Variants in KAZN observed in about 807,000 individuals in gnomAD.
The protein encoded by KAZN is kazrin.
In KAZN, 40 loss-of-function variants were observed where a neutral mutation model predicts 87.4. That is an observed-to-expected ratio of 0.46 (90% CI 0.36 to 0.60). The LOEUF is 0.60. KAZN is among the 20% of genes least tolerant of loss of function. KAZN has a pLI of 0.00. For missense variants in KAZN, 898 were observed against 1,073.9 expected (o/e 0.84, Z 2.29); for synonymous variants, 466 against 458.3 (o/e 1.02, Z -0.22).
At chr1:14,085,590 C>T (rs551335892) in intron 1 of KAZN, among the ~76,000 whole-genome samples, 5 of 152,176 alleles carry the variant, frequency 3.3e-5, no homozygotes, top group Non-Finnish European at 7.3e-5. Flanking sequence ...ATGTTGTTGC[C>T]TGTATCAGGA....
intron 1 of KAZN, among the ~76,000 whole-genome samples, chr1:14,880,314 T>A (rs1205464058): frequency 6.6e-6 from 1 of 152,148 alleles, no homozygotes; most frequent in Non-Finnish European, 1.5e-5. Context: ...AAAGCTGCAG[T>A]CTGCAGGACC....
intron 1 of KAZN, among the ~76,000 whole-genome samples, chr1:14,812,214 A>G (rs1014185801): frequency 6.6e-6 from 1 of 152,136 alleles, no homozygotes; most frequent in African/African-American, 2.4e-5. Context: ...GACTACCTTG[A>G]GCAAATTTGA....
At chr1:14,454,428 G>A (rs1006764825) in intron 2 of KAZN, among the ~76,000 whole-genome samples, 1 of 152,062 alleles carries the variant, frequency 6.6e-6, no homozygotes, top group Non-Finnish European at 1.5e-5. Context: ...TCCTCAATTA[G>A]AGTCCAATAA....
intron 1 of KAZN, among the ~76,000 whole-genome samples, chr1:14,032,979 G>A (rs1038262583): frequency 6.6e-6 from 1 of 152,082 alleles, no homozygotes; most frequent in Non-Finnish European, 1.5e-5. Context: ...TCTGCACCCT[G>A]GTCTTACTGA....
At chr1:15,051,720 A>G (rs1371204286) in intron 4 of KAZN, among the ~76,000 whole-genome samples, 1 of 152,198 alleles carries the variant, frequency 6.6e-6, no homozygotes, top group Non-Finnish European at 1.5e-5. Context: ...AAATCCAGAC[A>G]GAGCCCAAGC....
intron 2 of KAZN, among the ~76,000 whole-genome samples, chr1:14,247,132 T>TA (rs1184198655): frequency 6.6e-6 from 1 of 152,068 alleles, no homozygotes; most frequent in Non-Finnish European, 1.5e-5. Flanking sequence ...TTTCTTATTA[T>TA]AAAAAAAGGC....
chr1:14,052,911 C>A (rs1011884106), intron 1 of KAZN, among the ~76,000 whole-genome samples: 3 of 152,142 alleles, frequency 2.0e-5, no homozygotes, highest in African/African-American at 4.8e-5. Flanking sequence ...CCATGGAATG[C>A]CCATGGGGTT....
chr1:15,042,918 G>A (rs1297182216), intron 3 of KAZN, among the ~76,000 whole-genome samples: 1 of 152,208 alleles, frequency 6.6e-6, no homozygotes, highest in Non-Finnish European at 1.5e-5. Flanking sequence ...GCTCCCCGCT[G>A]GGACTGTCCT....
At chr1:14,706,493 C>CA (rs569251740) in intron 1 of KAZN, among the ~76,000 whole-genome samples, 1,540 of 141,666 alleles carry the variant, frequency 0.011, 8 homozygotes, top group Middle Eastern at 0.022. Flanking sequence ...GTTCCCAACA[C>CA]AAAAAAAAAA....
intron 1 of KAZN, among the ~76,000 whole-genome samples, chr1:14,025,481 A>G (rs181777940): frequency 1.2e-4 from 18 of 152,262 alleles, no homozygotes; most frequent in East Asian, 1.9e-4. Context: ...CTTTGTTCTG[A>G]CCTAGTTTTC....
Position 14,343,866 on chromosome 1 carries a change from A to G in KAZN, c.249+163274A>G, listed in dbSNP as rs114030106. On this transcript the variant is annotated intron_variant, in intron 2 of 16. Transcript: ENST00000636203. Reference sequence around the variant, plus strand: ...TCGGCAAACTCATCCAATTAAAAACACATTGCAACATTTTCATGTAAAGAA... The same window carrying G: ...TCGGCAAACTCATCCAATTAAAAACGCATTGCAACATTTTCATGTAAAGAA... Among the ~76,000 whole-genome samples, 1,012 of 152,336 alleles carry G rather than the reference A, an allele frequency of 6.6e-3. 11 individuals are homozygous for G. The highest frequency in any genetic ancestry group is 0.023 in the African/African-American group (962 of 41,566).
At chr1:14,072,026 C>G (rs1643266013) in intron 1 of KAZN, among the ~76,000 whole-genome samples, 1 of 152,166 alleles carries the variant, frequency 6.6e-6, no homozygotes, top group African/African-American at 2.4e-5. Flanking sequence ...GTGGAACCAT[C>G]TGGACTGAAA....
At chr1:14,025,837 A>G (rs1641046948) in intron 1 of KAZN, among the ~76,000 whole-genome samples, 1 of 152,190 alleles carries the variant, frequency 6.6e-6, no homozygotes, top group African/African-American at 2.4e-5. Context: ...CTCCCCAGTG[A>G]ACCACCTGCA....
chr1:14,111,740 CTTTTT>C (rs68167208), intron 1 of KAZN, among the ~76,000 whole-genome samples: 2 of 80,784 alleles, frequency 2.5e-5, no homozygotes, highest in African/African-American at 5.3e-5. Flanking sequence ...AGATTCTTTT[CTTTTT>C]TTTTTTTTTT....
chr1:15,056,330 G>T lies in KAZN; in HGVS notation c.916+50G>T. 6.5e-7 allele frequency: 1 copy of T among 1,530,946 alleles called. No individual in the cohort carries two copies. The highest frequency in any genetic ancestry group is 1.4e-5 in the African/African-American group (1 of 73,274). 94.8% of individuals were successfully genotyped at this position (1,530,946 alleles called of 1,614,324 possible). A position where few individuals can be genotyped will look rare whatever the true frequency, so the allele number is the denominator to read the frequency against. On this transcript the variant is annotated intron_variant, in intron 5 of 14. Coordinates refer to ENST00000376030, the MANE Select transcript of KAZN (RefSeq NM_201628.3). The surrounding 1 kb of genome is among the most constrained non-coding windows in gnomAD (Gnocchi z 5.4). ...CACCACGGCTTCGAGGGGCTTCACA[G>T]GAGGCCATCTGACCCAGTGGGAGAG... is the stretch of plus-strand genomic sequence containing the variant.
intron 1 of KAZN, among the ~76,000 whole-genome samples, chr1:14,770,707 C>A (rs896267383): frequency 1.4e-4 from 21 of 152,246 alleles, no homozygotes; most frequent in African/African-American, 5.1e-4. Context: ...ATTTGTCATT[C>A]TTAATAGCCA....
At chr1:14,480,007 TCA>T (rs1321246162) in intron 2 of KAZN, among the ~76,000 whole-genome samples, 1 of 152,166 alleles carries the variant, frequency 6.6e-6, no homozygotes, top group Admixed American at 6.5e-5. Context: ...AAGAGCTGAG[TCA>T]CTGCTTTAGA....
chr1:14,297,654 C>T (rs1654230168), intron 2 of KAZN, among the ~76,000 whole-genome samples: 1 of 152,140 alleles, frequency 6.6e-6, no homozygotes, highest in Admixed American at 6.5e-5. Flanking sequence ...ATGCAGTTGT[C>T]AGTGTGTCAC....
chr1:15,008,934 C>A (rs1285988495), intron 2 of KAZN, among the ~76,000 whole-genome samples: 1 of 152,218 alleles, frequency 6.6e-6, no homozygotes, highest in African/African-American at 2.4e-5. Flanking sequence ...TGTTATTCCC[C>A]CCTGGACAAT....
Sources: gnomAD v4.1 joint callset for allele counts (sites outside exome capture counted in the v4.1 genomes callset) on GRCh38, gnomAD v4.1.1 for gene constraint, Gnocchi (gnomAD v3.1) non-coding constraint, MANE v1.5 for transcripts, NCBI Gene and HGNC (gene_info 2026-07-23, HGNC 2026-07-21) for gene names.